Variants in KCNQ1 observed in about 807,000 individuals in gnomAD.
KCNQ1 encodes the protein potassium voltage-gated channel subfamily KQT member 1.
A neutral mutation model predicts 72.4 loss-of-function variants in KCNQ1; 49 were observed. The observed-to-expected ratio is 0.68, with a 90% CI of 0.54 to 0.86. KCNQ1 has a LOEUF of 0.86. KCNQ1 is among the 40% of genes least tolerant of loss of function. The pLI is 0.00. For synonymous variants in KCNQ1, 450 were observed against 412.6 expected, an observed-to-expected ratio of 1.09 and a Z score of -1.10; for missense variants, 790 against 945.1, an observed-to-expected ratio of 0.84 and a Z score of 2.15.
chr11:2,466,279 C>T (rs1422626820), intron 1 of KCNQ1, among the ~76,000 whole-genome samples: 1 of 152,180 alleles, frequency 6.6e-6, no homozygotes, highest in African/African-American at 2.4e-5. Flanking sequence ...GGAGGTGACA[C>T]ATGGCTGAGC....
chr11:2,463,112 C>T lies in KCNQ1; in HGVS notation c.386+17628C>T, dbSNP rs966655115. On this transcript the variant is annotated intron_variant, in intron 1 of 15. Transcript: ENST00000155840. The surrounding 1 kb of genome is among the most constrained non-coding windows in gnomAD (Gnocchi z 7.0). ...GGTGTGGGGAGTGGGAAGTGGGGGA[C>T]GGGGTGGATTCCAGGATTCCGGGTT... is the stretch of plus-strand genomic sequence containing the variant. 7.2e-5 allele frequency among the ~76,000 whole-genome samples: 11 copies of T among 151,914 alleles called. No homozygotes were observed. The highest frequency in any genetic ancestry group is 1.3e-4 in the Admixed American group (2 of 15,258).
intron 10 of KCNQ1, chr11:2,618,500 G>C (rs960202439): frequency 5.0e-6 from 2 of 398,460 alleles, no homozygotes; most frequent in Non-Finnish European, 4.4e-6. Flanking sequence ...GTGGAAAATT[G>C]GTTGATCATA....
intron 11 of KCNQ1, among the ~76,000 whole-genome samples, chr11:2,758,745 C>G (rs1590071446): frequency 6.6e-6 from 1 of 152,216 alleles, no homozygotes; most frequent in East Asian, 1.9e-4. Context: ...ACTATCGGTA[C>G]AACCTAAGCG....
intron 10 of KCNQ1, chr11:2,640,563 T>C (rs1849557206): frequency 5.5e-4 from 1 of 1,804 alleles, no homozygotes; most frequent in Non-Finnish European, 1.1e-3. Context: ...TGGGATTTCC[T>C]TTTTTTTTTT....
chr11:2,521,888 C>T (rs1463464276), intron 1 of KCNQ1, among the ~76,000 whole-genome samples: 1 of 152,216 alleles, frequency 6.6e-6, no homozygotes, highest in Non-Finnish European at 1.5e-5. Context: ...TGCGGCAGGG[C>T]AGGTCATGGA....
chr11:2,720,725 T>C lies in KCNQ1; in HGVS notation c.1515-48119T>C, dbSNP rs1379863488. Among the ~76,000 whole-genome samples, 1 of 152,148 alleles carries C rather than the reference T, an allele frequency of 6.6e-6. No homozygotes were observed. Among genetic ancestry groups the C allele is most frequent in the African/African-American group, 2.4e-5 (1 of 41,430 alleles). On this transcript the variant is annotated intron_variant, in intron 11 of 15. Coordinates refer to ENST00000155840, the MANE Select transcript of KCNQ1 (RefSeq NM_000218.3). The surrounding 1 kb of genome is among the most constrained non-coding windows in gnomAD (Gnocchi z 5.1). ...CTTTTGCAGGGCGGCTCCCAGAACC[T>C]AGGAGTCCATGCTACCTGTGGGGTT...
chr11:2,500,379 A>G (rs890843859), intron 1 of KCNQ1, among the ~76,000 whole-genome samples: 29 of 152,200 alleles, frequency 1.9e-4, no homozygotes, highest in African/African-American at 4.1e-4. Flanking sequence ...GAAACAACAG[A>G]TGCTGGAGAG....
chr11:2,693,597 T>A, intron 11 of KCNQ1: 1 of 398,600 alleles, frequency 2.5e-6, no homozygotes, highest in Non-Finnish European at 4.4e-6. Context: ...TGAGGCCACA[T>A]TTAAATTGCA....
At position 2,463,655 on chromosome 11, in the gene KCNQ1, A is replaced by C. The variant is rs1589893819; in HGVS notation, c.386+18171A>C. Among the ~76,000 whole-genome samples the C allele has an allele frequency of 6.6e-6, 1 of 152,140 alleles. No homozygotes were observed. The highest frequency in any genetic ancestry group is 2.1e-4 in the South Asian group (1 of 4,814). On this transcript the variant is annotated intron_variant, in intron 1 of 15. Transcript: ENST00000155840. This position sits in a 1 kb window ranked among gnomAD's most constrained non-coding sequence, Gnocchi z 7.0. ...TATGGGTGTACTCCCTGTGCTGGGC[A>C]CTGCGCTGAGCTCAACACACAGGGG...
chr11:2,598,098 ACT>A lies in KCNQ1; in HGVS notation c.1393+9247_1393+9248del, dbSNP rs571422533. ...GCTATTAATTCCCTTTTCTTGGCTA[ACT>A]CTATTTTTGTTTTCTTTTACTTAAG... is the stretch of plus-strand genomic sequence containing the variant. On this transcript the variant is annotated intron_variant, in intron 10 of 15. Transcript: ENST00000155840. This position sits in a 1 kb window ranked among gnomAD's most constrained non-coding sequence, Gnocchi z 6.2. Among the ~76,000 whole-genome samples the A allele has an allele frequency of 1.2e-3, 178 of 151,986 alleles. 1 individual carries two copies. In the South Asian group the frequency reaches 0.017, roughly 14 times the overall value.
At chr11:2,807,388 G>A (rs1298135557) in intron 15 of KCNQ1, among the ~76,000 whole-genome samples, 1 of 152,180 alleles carries the variant, frequency 6.6e-6, no homozygotes, top group Non-Finnish European at 1.5e-5. Context: ...AAGGCCGGGA[G>A]GGGACCCTCC....
chr11:2,713,541 G>A lies in KCNQ1; in HGVS notation c.1514+51460G>A, dbSNP rs1247824155. Among the ~76,000 whole-genome samples, 1 of 152,116 alleles carries A rather than the reference G, an allele frequency of 6.6e-6. No homozygotes were observed. The highest frequency in any genetic ancestry group is 1.5e-5 in the Non-Finnish European group (1 of 68,016). On this transcript the variant is annotated intron_variant, in intron 11 of 15. Coordinates refer to ENST00000155840, the MANE Select transcript of KCNQ1 (RefSeq NM_000218.3). The surrounding 1 kb of genome is among the most constrained non-coding windows in gnomAD (Gnocchi z 5.6). ...TGAATTTTTCCCACTGTGGGAAGGGGGTCTGGAGGACAGGCACCCTTGTTG... is the reference window on the plus strand; with the variant it reads ...TGAATTTTTCCCACTGTGGGAAGGGAGTCTGGAGGACAGGCACCCTTGTTG...
At chr11:2,731,428 G>T (rs778363283) in intron 11 of KCNQ1, among the ~76,000 whole-genome samples, 1 of 152,208 alleles carries the variant, frequency 6.6e-6, no homozygotes, top group Non-Finnish European at 1.5e-5. Context: ...GCCTGGGAAA[G>T]GGAGCCAGCA....
chr11:2,616,383 C>T (rs1019172403), intron 10 of KCNQ1: 7 of 397,728 alleles, frequency 1.8e-5, no homozygotes, highest in East Asian at 7.2e-5. Flanking sequence ...TATTTAAGCT[C>T]GAATTCAGTT....
At chr11:2,609,416 T>C (rs1848939312) in intron 10 of KCNQ1, 3 of 398,350 alleles carry the variant, frequency 7.5e-6, no homozygotes, top group Non-Finnish European at 1.3e-5. Flanking sequence ...TTTAAATTTA[T>C]GCAGGTTTGT....
rs188955964 is a variant in KCNQ1, at chr11:2,646,356, T to A, written c.1394-15605T>A. 6.6e-4 allele frequency: 264 copies of A among 398,614 alleles called. No homozygotes were observed. The highest frequency in any genetic ancestry group is 7.1e-4 in the Non-Finnish European group (160 of 226,064). The allele number at this position is 398,614 out of a possible 1,614,324, so 24.7% of individuals were successfully genotyped here. A position where few individuals can be genotyped will look rare whatever the true frequency, so the allele number is the denominator to read the frequency against. On this transcript the variant is annotated intron_variant, in intron 10 of 15. Coordinates refer to ENST00000155840, the MANE Select transcript of KCNQ1 (RefSeq NM_000218.3). ...CATGAGCATGGGATGTCTCAAAAAA[T>A]TTTGTAGCCTCTTCAATTACTGTTA...
Position 2,605,489 on chromosome 11 carries a change from T to C in KCNQ1, c.1393+16635T>C, listed in dbSNP as rs530482003. 1.5e-4 allele frequency among the ~76,000 whole-genome samples: 23 copies of C among 152,352 alleles called. No homozygotes were observed. In the South Asian group the frequency reaches 4.6e-3, roughly 30 times the overall value. On this transcript the variant is annotated intron_variant, in intron 10 of 15. Transcript: ENST00000155840. ...TTATATATGATGTGGAGTGGACCAA[T>C]TGATTTTTCTCATGTGGATATCAGT...
Position 2,750,928 on chromosome 11 carries a change from C to T in KCNQ1, c.1515-17916C>T, listed in dbSNP as rs1461529167. Among the ~76,000 whole-genome samples, 4 of 152,202 alleles carry T rather than the reference C, an allele frequency of 2.6e-5. No individual in the cohort carries two copies. The highest frequency in any genetic ancestry group is 7.2e-5 in the African/African-American group (3 of 41,434). On this transcript the variant is annotated intron_variant, in intron 11 of 15. Coordinates refer to ENST00000155840, the MANE Select transcript of KCNQ1 (RefSeq NM_000218.3). The surrounding 1 kb of genome is among the most constrained non-coding windows in gnomAD (Gnocchi z 6.3). Reference sequence around the variant, plus strand: ...GGGGTCCTCCCCAGCTGCCTGCCTACACCCCAACCTCGAGGCTCTTTACCT... The same window carrying T: ...GGGGTCCTCCCCAGCTGCCTGCCTATACCCCAACCTCGAGGCTCTTTACCT...
At chr11:2,452,005 G>A (rs1846124817) in intron 1 of KCNQ1, among the ~76,000 whole-genome samples, 1 of 152,198 alleles carries the variant, frequency 6.6e-6, no homozygotes, top group South Asian at 2.1e-4. Flanking sequence ...GAAGCACCCT[G>A]AGGACTGTCC....
Sources: allele counts gnomAD v4.1 joint callset (sites outside exome capture counted in the v4.1 genomes callset), GRCh38; gene constraint gnomAD v4.1.1; non-coding constraint Gnocchi (gnomAD v3.1); transcripts MANE v1.5; gene names NCBI Gene and HGNC (gene_info 2026-07-23, HGNC 2026-07-21).